The following FBXL20 variants were observed in gnomAD, a reference collection of about 807,000 sequenced individuals.
FBXL20 encodes F-box and leucine rich repeat protein 20, also known as F-box/LRR-repeat protein 20.
In FBXL20, 11 loss-of-function variants were observed where a neutral mutation model predicts 64.0. The ratio of observed to expected loss-of-function variants is 0.17; its 90% CI spans 0.11 to 0.28. The LOEUF (loss-of-function observed/expected upper bound fraction) is 0.28, where lower values mean the gene tolerates loss of function less well. FBXL20 is among the 10% of genes least tolerant of loss of function. The probability of loss-of-function intolerance (pLI) is 1.00; values close to 1 mark genes in which losing one functional copy is unlikely to be tolerated. For synonymous variants in FBXL20, 184 were observed against 189.0 expected, an observed-to-expected ratio of 0.97 and a Z score of 0.22; for missense variants, 303 against 526.2, an observed-to-expected ratio of 0.58 and a Z score of 4.15.
chr17:39,402,345 G>C (rs981597791), upstream of FBXL20: 2 of 599,638 alleles, frequency 3.3e-6, no homozygotes, highest in Non-Finnish European at 4.9e-6. Flanking sequence ...GGGTGCTGCA[G>C]GGAGGCCTGG....
chr17:39,273,713 G>A (rs2046866578), intron 10 of FBXL20, among the ~76,000 whole-genome samples: 1 of 151,876 alleles, frequency 6.6e-6, no homozygotes, highest in Non-Finnish European at 1.5e-5. Flanking sequence ...CCAGCTACTA[G>A]GGAGGCTGAG....
intron 2 of FBXL20, among the ~76,000 whole-genome samples, chr17:39,310,260 G>T (rs1381039968): frequency 2.6e-5 from 4 of 151,938 alleles, no homozygotes; most frequent in African/African-American, 9.7e-5. Flanking sequence ...TCCAACTGGA[G>T]TCTGCATAGA....
rs141772483 is a variant in FBXL20, at chr17:39,268,011, T to C, written c.933+816A>G. Among the ~76,000 whole-genome samples, 1,428 of 152,314 alleles carry C rather than the reference T, an allele frequency of 9.4e-3. 18 individuals carry two copies. Among genetic ancestry groups the C allele is most frequent in the African/African-American group, 0.033 (1,352 of 41,568 alleles). On this transcript the variant is annotated intron_variant, in intron 12 of 14. Coordinates refer to ENST00000264658, the MANE Select transcript of FBXL20 (RefSeq NM_032875.3). ...TTAAAAAATTAATTGCTCTTTCTTT[T>C]GTGGAGTCCCATGTTCGAAGTTTTT...
chr17:39,299,769 C>CGA (rs1567869634), intron 4 of FBXL20, among the ~76,000 whole-genome samples: 5 of 146,720 alleles, frequency 3.4e-5, no homozygotes, highest in Non-Finnish European at 3.0e-5. Flanking sequence ...GGCGACAAAG[C>CGA]GAGACTCTGT....
chr17:39,377,227 C>T (rs561370995), intron 1 of FBXL20, among the ~76,000 whole-genome samples: 2 of 151,886 alleles, frequency 1.3e-5, no homozygotes, highest in African/African-American at 2.4e-5. Context: ...CCACCCAGAT[C>T]GATTAACTGG....
At chr17:39,275,714 T>A (rs2046883953) in intron 9 of FBXL20, among the ~76,000 whole-genome samples, 1 of 151,976 alleles carries the variant, frequency 6.6e-6, no homozygotes, top group Non-Finnish European at 1.5e-5. Context: ...CTGGCCTCAA[T>A]TAAATATTAA....
intron 10 of FBXL20, 69 bp downstream of exon 10, chr17:39,274,901 C>T: frequency 6.3e-7 from 1 of 1,594,468 alleles, no homozygotes; most frequent in Non-Finnish European, 8.5e-7. Flanking sequence ...TCCAAAGTTC[C>T]AAGGAAGAAA....
intron 2 of FBXL20, among the ~76,000 whole-genome samples, chr17:39,323,036 C>T (rs1253774686): frequency 6.6e-6 from 1 of 150,740 alleles, no homozygotes; most frequent in Non-Finnish European, 1.5e-5. Context: ...GTGGCACAAT[C>T]TCGGCTCACT....
At chr17:39,345,441 T>A (rs1238213421) in intron 1 of FBXL20, among the ~76,000 whole-genome samples, 1 of 152,208 alleles carries the variant, frequency 6.6e-6, no homozygotes, top group Non-Finnish European at 1.5e-5. Context: ...AAGATCCTGG[T>A]ATCTCATGGA....
chr17:39,307,499 C>A (rs141223657), intron 2 of FBXL20, among the ~76,000 whole-genome samples: 56 of 152,240 alleles, frequency 3.7e-4, no homozygotes, highest in Admixed American at 1.2e-3. Context: ...TGGACTGCAG[C>A]AGCAGCACAA....
At chr17:39,378,930 TA>T (rs1180756646) in intron 1 of FBXL20, among the ~76,000 whole-genome samples, 1 of 145,270 alleles carries the variant, frequency 6.9e-6, no homozygotes, top group Non-Finnish European at 1.5e-5. Context: ...CTATAATTTT[TA>T]AAAAAACGAA....
At chr17:39,332,950 A>C (rs2047476904) in intron 2 of FBXL20, among the ~76,000 whole-genome samples, 1 of 152,196 alleles carries the variant, frequency 6.6e-6, no homozygotes, top group East Asian at 1.9e-4. Flanking sequence ...ACCCCAACAC[A>C]GTATGAATTG....
intron 1 of FBXL20, among the ~76,000 whole-genome samples, chr17:39,390,324 G>A (rs965084547): frequency 1.3e-5 from 2 of 152,024 alleles, no homozygotes; most frequent in Non-Finnish European, 2.9e-5. Context: ...ACTTTGAGAG[G>A]CCGAGGCAGG....
intron 6 of FBXL20, among the ~76,000 whole-genome samples, chr17:39,291,431 CTTTTTTTTT>C (rs907454529): frequency 2.7e-5 from 3 of 110,486 alleles, no homozygotes; most frequent in Non-Finnish European, 5.4e-5. Context: ...TAAAACTTTT[CTTTTTTTTT>C]TTTTTTTTTT....
Position 39,275,009 on chromosome 17 carries a change from G to C in FBXL20, c.788C>G (p.Ala263Gly), listed in dbSNP as rs771819727. 1 of 1,613,958 alleles carries C rather than the reference G, an allele frequency of 6.2e-7. No individual in the cohort carries two copies. The highest frequency in any genetic ancestry group is 8.5e-7 in the Non-Finnish European group (1 of 1,180,008). Residue 263 changes from alanine to glycine, a missense_variant, in exon 10 of 15, where the codon GCC (alanine) becomes GGC (glycine). Ala to Gly is a moderately conservative substitution (Grantham distance 60, BLOSUM62 0). Transcript: ENST00000264658. ...GTTCTGACCTAGAGCATTCAGGATG[G>C]CATCTGTGATGTTGGAGCAGCCAGA... ...CASGCSNITD[A>G]ILNALGQNCP...
chr17:39,290,437 A>C (rs2047027718), intron 6 of FBXL20, among the ~76,000 whole-genome samples: 1 of 152,152 alleles, frequency 6.6e-6, no homozygotes, highest in African/African-American at 2.4e-5. Context: ...AAGACCTGAT[A>C]TCCTTGCCTT....
intron 2 of FBXL20, among the ~76,000 whole-genome samples, chr17:39,321,795 A>AT (rs1365759377): frequency 0.013 from 1,992 of 151,022 alleles, 12 homozygotes; most frequent in Non-Finnish European, 0.018. Context: ...AAAAAAAAAA[A>AT]AACAAAAATA....
intron 2 of FBXL20, among the ~76,000 whole-genome samples, chr17:39,322,296 T>C (rs1403530890): frequency 6.6e-6 from 1 of 151,778 alleles, no homozygotes; most frequent in Non-Finnish European, 1.5e-5. Context: ...AATATTCAAA[T>C]GTATAATTAT....
At chr17:39,348,853 CCTGA>C (rs747453041) in intron 1 of FBXL20, among the ~76,000 whole-genome samples, 8 of 152,212 alleles carry the variant, frequency 5.3e-5, no homozygotes, top group Non-Finnish European at 1.2e-4. Context: ...TGTTACCACA[CCTGA>C]CTAATTTTTG....
Sources: allele counts gnomAD v4.1 joint callset (sites outside exome capture counted in the v4.1 genomes callset), GRCh38; gene constraint gnomAD v4.1.1; transcripts MANE v1.5; gene names NCBI Gene and HGNC (gene_info 2026-07-23, HGNC 2026-07-21).